ZZZ3: variants seen among roughly 807,000 people sequenced by gnomAD.
ZZZ3 encodes the protein ZZ-type zinc finger-containing protein 3.
In ZZZ3, 22 loss-of-function variants were observed where a neutral mutation model predicts 95.2. That is an observed-to-expected ratio of 0.23 (90% CI 0.17 to 0.33). The LOEUF (loss-of-function observed/expected upper bound fraction) is 0.33, where lower values mean the gene tolerates loss of function less well. ZZZ3 is among the 10% of genes least tolerant of loss of function. The probability of loss-of-function intolerance (pLI) is 1.00; values close to 1 mark genes in which losing one functional copy is unlikely to be tolerated. For synonymous variants in ZZZ3, 335 were observed against 358.9 expected (o/e 0.93, Z 0.75); for missense variants, 885 against 1,066.5 (o/e 0.83, Z 2.37).
chr1:77,627,065 T>A (rs1005255081), intron 5 of ZZZ3, among the ~76,000 whole-genome samples: 1 of 152,092 alleles, frequency 6.6e-6, no homozygotes, highest in Non-Finnish European at 1.5e-5. Context: ...GTCCCCAAGA[T>A]CTGCTCCATG....
chr1:77,579,869 T>G (rs1662329413), intron 9 of ZZZ3: 1 of 246,728 alleles, frequency 4.1e-6, no homozygotes, highest in Non-Finnish European at 7.6e-6. Flanking sequence ...TCTATTCACA[T>G]AAGTAAAAAT....
intron 1 of ZZZ3, among the ~76,000 whole-genome samples, chr1:77,680,608 C>T (rs1672664262): frequency 6.6e-6 from 1 of 152,152 alleles, no homozygotes; most frequent in African/African-American, 2.4e-5. Context: ...ACAAAAACAA[C>T]ACTTACAAAA....
At chr1:77,631,226 T>TAATAA (rs1157428773) in intron 5 of ZZZ3, among the ~76,000 whole-genome samples, 6 of 152,224 alleles carry the variant, frequency 3.9e-5, no homozygotes, top group African/African-American at 7.2e-5. Flanking sequence ...TCTTCCTTTA[T>TAATAA]ATTTAGTATC....
At chr1:77,586,735 C>G (rs896199049) in intron 5 of ZZZ3, among the ~76,000 whole-genome samples, 1 of 152,126 alleles carries the variant, frequency 6.6e-6, no homozygotes, top group African/African-American at 2.4e-5. Context: ...AATGAAGACT[C>G]TAAGAAAATA....
At chr1:77,570,957 C>A (rs1661327454) in intron 12 of ZZZ3, among the ~76,000 whole-genome samples, 1 of 150,762 alleles carries the variant, frequency 6.6e-6, no homozygotes, top group East Asian at 2.0e-4. Flanking sequence ...GCATGAGCCA[C>A]TGCGCCTGGC....
In ZZZ3 at chr1:77,669,454, GTTTT is replaced by G. The variant is rs11432486; in HGVS notation, c.-403+13127_-403+13130del. 3.8e-5 allele frequency among the ~76,000 whole-genome samples: 5 copies of G among 131,318 alleles called. No individual in the cohort carries two copies. The South Asian group carries it at 7.4e-4, about 19-fold the overall frequency. 86.1% of individuals were successfully genotyped at this position (131,318 alleles called of 152,430 possible). A position where few individuals can be genotyped will look rare whatever the true frequency, so the allele number is the denominator to read the frequency against. On this transcript the variant is annotated intron_variant, in intron 1 of 14. Transcript: ENST00000370801. ...GAATACCATTAAACTTTCTTTCTCA[GTTTT>G]TTTTTTTTTTTTTTTTGAGATGGCG...
chr1:77,632,396 A>G lies in ZZZ3; in HGVS notation c.959T>C (p.Val320Ala), dbSNP rs1557744731. Reference sequence around the variant, plus strand: ...TTTTGAGGCACTGCTATCTCCCACCACATCTACTTCCTCCTCAGAATCCCT... The same window carrying G: ...TTTTGAGGCACTGCTATCTCCCACCGCATCTACTTCCTCCTCAGAATCCCT... ...SLRDSEEEVD[V>A]VGDSSASKEQ... The change falls in exon 5 of 15, where the codon GTG becomes GCG. Residue 320 changes from valine to alanine, a missense_variant. Val to Ala is a moderately conservative substitution (Grantham distance 64). Coordinates refer to ENST00000370801, the MANE Select transcript of ZZZ3 (RefSeq NM_015534.6). 2 of 1,614,130 alleles carry G rather than the reference A, an allele frequency of 1.2e-6. No individual in the cohort carries two copies. Among genetic ancestry groups the G allele is most frequent in the African/African-American group, 2.7e-5 (2 of 75,024 alleles).
chr1:77,640,407 T>G (rs879498524), intron 3 of ZZZ3, among the ~76,000 whole-genome samples: 1 of 152,020 alleles, frequency 6.6e-6, no homozygotes, highest in Non-Finnish European at 1.5e-5. Context: ...GAGACCAGCC[T>G]GGCCAACATG....
Position 77,620,468 on chromosome 1 carries a change from AGAAAGAAC to A in ZZZ3, c.1505+11374_1505+11381del, listed in dbSNP as rs1407190231. Reference sequence around the variant, plus strand: ...TGACAGTGGCCTACATTAGAAAGAAAGAAAGAACGAAAGAATGGAAGGAAGGAAGGAAG... The same window carrying A: ...TGACAGTGGCCTACATTAGAAAGAAAGAAAGAATGGAAGGAAGGAAGGAAG... On this transcript the variant is annotated intron_variant, in intron 5 of 14. Transcript: ENST00000370801. Among the ~76,000 whole-genome samples, 403 of 146,566 alleles carry A rather than the reference AGAAAGAAC, an allele frequency of 2.7e-3. 3 individuals carry two copies. The highest frequency in any genetic ancestry group is 9.7e-3 in the African/African-American group (390 of 40,120).
chr1:77,592,514 C>G lies in ZZZ3; in HGVS notation c.1506-7859G>C, dbSNP rs187747503. ...ACGGGGTTTCACCATGTTGGTCAGGCTGGTTTCGAAATCCTGACCTCAAGT... is the reference window on the plus strand; with the variant it reads ...ACGGGGTTTCACCATGTTGGTCAGGGTGGTTTCGAAATCCTGACCTCAAGT... On this transcript the variant is annotated intron_variant, in intron 5 of 14. Coordinates refer to ENST00000370801, the MANE Select transcript of ZZZ3 (RefSeq NM_015534.6). Among the ~76,000 whole-genome samples the G allele has an allele frequency of 2.6e-4, 39 of 152,144 alleles. No homozygotes were observed. In the East Asian group the frequency reaches 6.6e-3, roughly 26 times the overall value.
chr1:77,593,760 A>G (rs1663949459), intron 5 of ZZZ3, among the ~76,000 whole-genome samples: 1 of 152,186 alleles, frequency 6.6e-6, no homozygotes, highest in Non-Finnish European at 1.5e-5. Context: ...TTTTAAGGGA[A>G]AATAACTTTT....
intron 1 of ZZZ3, among the ~76,000 whole-genome samples, chr1:77,654,060 C>T (rs895490264): frequency 2.0e-5 from 3 of 150,102 alleles, no homozygotes; most frequent in Non-Finnish European, 3.0e-5. Flanking sequence ...TGGTAGCAGG[C>T]GCCTGTAGTC....
intron 1 of ZZZ3, among the ~76,000 whole-genome samples, chr1:77,660,434 A>AT (rs1289997494): frequency 2.6e-5 from 4 of 152,148 alleles, no homozygotes; most frequent in African/African-American, 9.7e-5. Flanking sequence ...TGTTTCTATG[A>AT]TTTTAACTAC....
At chr1:77,584,822 C>A (rs1662927810) in intron 5 of ZZZ3, 167 bp from the exon 6 acceptor site, 2 of 423,450 alleles carry the variant, frequency 4.7e-6, no homozygotes, top group African/African-American at 2.0e-5. Context: ...TCCTGAGTTA[C>A]GAAGTACCTA....
intron 12 of ZZZ3, among the ~76,000 whole-genome samples, chr1:77,574,979 A>G (rs1347463824): frequency 2.6e-5 from 4 of 152,180 alleles, no homozygotes; most frequent in African/African-American, 4.8e-5. Context: ...AGGTCAGGAC[A>G]TCGAGAATAT....
At chr1:77,656,015 A>G (rs1670241713) in intron 1 of ZZZ3, among the ~76,000 whole-genome samples, 1 of 152,356 alleles carries the variant, frequency 6.6e-6, no homozygotes, top group South Asian at 2.1e-4. Context: ...CTGGACAGCC[A>G]TTCATCTTCA....
At chr1:77,668,379 G>C (rs1671438938) in intron 1 of ZZZ3, among the ~76,000 whole-genome samples, 1 of 152,096 alleles carries the variant, frequency 6.6e-6, no homozygotes, top group South Asian at 2.1e-4. Context: ...GCATGGAAAA[G>C]CATGGGCTTT....
chr1:77,592,317 C>T (rs1235062119), intron 5 of ZZZ3, among the ~76,000 whole-genome samples: 2 of 152,086 alleles, frequency 1.3e-5, no homozygotes, highest in Non-Finnish European at 2.9e-5. Context: ...GTGAATAGCT[C>T]ACATTAAAAA....
Position 77,633,296 on chromosome 1 carries a change from TC to T in ZZZ3, c.58del (p.Asp20MetfsTer9). On this transcript the variant is annotated frameshift_variant, in exon 5 of 15. Coordinates refer to ENST00000370801, the MANE Select transcript of ZZZ3 (RefSeq NM_015534.6). LOFTEE classifies it high-confidence loss of function. ...TAAAGTTCTACCACAAAAAGATTCA[TC>T]CAAGCCGTTTAACCCCACTGTTGAT... ...TRSTVGLNGL[D>X]ESFCGRTLRN... is the part of the protein sequence containing the mutation. 2 of 1,613,932 alleles carry T rather than the reference TC, an allele frequency of 1.2e-6. No homozygotes were observed. The highest frequency in any genetic ancestry group is 1.7e-6 in the Non-Finnish European group (2 of 1,179,912).
Sources: allele counts gnomAD v4.1 joint callset (sites outside exome capture counted in the v4.1 genomes callset), GRCh38; gene constraint gnomAD v4.1.1; transcripts MANE v1.5; gene names NCBI Gene and HGNC (gene_info 2026-07-23, HGNC 2026-07-21).